The following NIPBL variants were observed in gnomAD, a reference collection of about 807,000 sequenced individuals.
NIPBL encodes the protein nipped-B-like protein.
In NIPBL, 19 loss-of-function variants were observed where a neutral mutation model predicts 321.8. The observed-to-expected ratio is 0.06, with a 90% CI of 0.04 to 0.09. The LOEUF (loss-of-function observed/expected upper bound fraction) is 0.09, where lower values mean the gene tolerates loss of function less well. NIPBL is among the 10% of genes least tolerant of loss of function. The pLI, the probability that NIPBL is intolerant of heterozygous loss-of-function variation, is 1.00. For missense variants in NIPBL, 2,210 were observed against 3,327.0 expected (o/e 0.66, Z 8.26); for synonymous variants, 1,106 against 1,114.1 (o/e 0.99, Z 0.14).
intron 1 of NIPBL, among the ~76,000 whole-genome samples, chr5:36,918,248 T>G (rs1201780815): frequency 3.3e-5 from 5 of 152,296 alleles, no homozygotes; most frequent in Admixed American, 3.3e-4. Context: ...ACATCCCTTT[T>G]AAGTTGGATT....
chr5:37,039,751 C>T (rs1161571130), intron 34 of NIPBL, among the ~76,000 whole-genome samples: 4 of 152,058 alleles, frequency 2.6e-5, no homozygotes, highest in Non-Finnish European at 4.4e-5. Context: ...ATCCAAATTA[C>T]AAGCTCTAGG....
In NIPBL at chr5:37,014,261, G is replaced by GGAGA. The variant is rs1237591733; in HGVS notation, c.4561-420_4561-417dup. Among the ~76,000 whole-genome samples the GGAGA allele has an allele frequency of 2.0e-5, 3 of 152,012 alleles. No homozygotes were observed. In the East Asian group the frequency reaches 5.8e-4, roughly 29 times the overall value. On this transcript the variant is annotated intron_variant, in intron 21 of 46. Coordinates refer to ENST00000282516, the MANE Select transcript of NIPBL (RefSeq NM_133433.4). ...GAGGGAGAAGGAGAGGGAGAGGGAG[G>GGAGA]GAGAGCTTAATCTTTAAATTTCTGA... is the stretch of plus-strand genomic sequence containing the variant.
rs1744663803 is a variant in NIPBL at position 36,985,483 on chromosome 5, C to A, written c.2303C>A (p.Ser768Tyr). ...CACAGGCATGACAATAGGAGGGATT[C>A]TGGAAAGCCATCTACAGAGAAAAAA... The part of the protein sequence containing the change: ...PKHRHDNRRD[S>Y]GKPSTEKKPE... Residue 768 changes from serine (S) to tyrosine (Y), a missense_variant, in exon 10 of 47, where the codon TCT (serine) becomes TAT (tyrosine). Ser to Tyr is a moderately radical substitution (Grantham distance 144). Coordinates refer to ENST00000282516, the MANE Select transcript of NIPBL (RefSeq NM_133433.4). 1.9e-6 allele frequency: 3 copies of A among 1,613,536 alleles called. No homozygotes were observed. The highest frequency in any genetic ancestry group is 2.5e-6 in the Non-Finnish European group (3 of 1,179,934).
intron 32 of NIPBL, among the ~76,000 whole-genome samples, chr5:37,030,348 A>G (rs1349437137): frequency 6.6e-6 from 1 of 152,182 alleles, no homozygotes; most frequent in African/African-American, 2.4e-5. Context: ...TTATACTAGC[A>G]GAGTTTGGTT....
Position 36,995,796 on chromosome 5 carries a change from C to G in NIPBL, c.3296C>G (p.Ala1099Gly), listed in dbSNP as rs762670218. Residue 1099 changes from alanine (A) to glycine (G), a missense_variant, in exon 11 of 47, where the codon GCT becomes GGT. Ala to Gly is a moderately conservative substitution (Grantham distance 60, BLOSUM62 0). This residue lies in a region of NIPBL where 381 missense variants were observed against 642.3 expected (regional missense o/e 0.59). Transcript: ENST00000282516. ...GATGAAGATAATGATAGTGATGAAG[C>G]TTTTGAATGTAAGTATCACAGAACT... ...SSDEDNDSDEAFESSRKRHKK... is the reference protein window; with the variant it reads ...SSDEDNDSDEGFESSRKRHKK... The G allele has an allele frequency of 3.7e-6, 6 of 1,612,042 alleles. No individual in the cohort carries two copies. In the African/African-American group the frequency reaches 8.0e-5, roughly 22 times the overall value.
intron 40 of NIPBL, chr5:37,051,444 TA>T (rs1753535366): frequency 4.0e-6 from 1 of 251,528 alleles, no homozygotes; most frequent in Non-Finnish European, 7.5e-6. Context: ...AGTCAAGCTT[TA>T]AAAACTACTG....
At chr5:37,024,506 G>GGATAACTGT in intron 29 of NIPBL, 79 bp from the exon 30 acceptor site, 1 of 1,211,384 alleles carries the variant, frequency 8.3e-7, no homozygotes, top group Admixed American at 1.9e-5. Context: ...AATATACTGC[G>GGATAACTGT]TATGGATACT....
At chr5:37,062,424 TG>T (rs1466352486) in intron 45 of NIPBL, among the ~76,000 whole-genome samples, 1 of 151,858 alleles carries the variant, frequency 6.6e-6, no homozygotes, top group African/African-American at 2.4e-5. Flanking sequence ...AGTATGCAAA[TG>T]TATGTATATA....
intron 10 of NIPBL, 92 bp from the exon 11 acceptor site, chr5:36,995,528 CAA>C (rs1232689343): frequency 6.2e-6 from 5 of 805,886 alleles, no homozygotes; most frequent in Non-Finnish European, 1.0e-5. Flanking sequence ...ATTTAGAAAA[CAA>C]ATACTAATAT....
Position 36,986,427 on chromosome 5 carries a change from A to G in NIPBL, c.3121+126A>G, listed in dbSNP as rs570699906. The G allele has an allele frequency of 8.4e-5, 55 of 654,022 alleles. No individual in the cohort carries two copies. In the African/African-American group the frequency reaches 1.0e-3, roughly 12 times the overall value. The allele number at this position is 654,022 out of a possible 1,614,324, so 40.5% of individuals were successfully genotyped here. ...ACATGAAAATATAACATTTATGTCA[A>G]ACAACAGGAAATTTTTTTCAGGAGT... On this transcript the variant is annotated intron_variant, in intron 10 of 46. Transcript: ENST00000282516.
chr5:37,055,212 A>G (rs888591563), intron 42 of NIPBL, among the ~76,000 whole-genome samples: 5 of 152,066 alleles, frequency 3.3e-5, no homozygotes, highest in African/African-American at 1.2e-4. Context: ...TTAGCCAGGC[A>G]TGATGGCGCG....
chr5:36,992,272 T>C (rs747850228), intron 10 of NIPBL, among the ~76,000 whole-genome samples: 5 of 152,160 alleles, frequency 3.3e-5, no homozygotes, highest in Non-Finnish European at 7.4e-5. Context: ...TGAGAGATAA[T>C]CATAAAGCAC....
At chr5:36,912,951 A>G (rs1243936864) in intron 1 of NIPBL, among the ~76,000 whole-genome samples, 1 of 152,192 alleles carries the variant, frequency 6.6e-6, no homozygotes, top group African/African-American at 2.4e-5. Flanking sequence ...AATCAAAGCA[A>G]TCCTAGTTGA....
chr5:37,051,746 A>G (rs367794734), intron 40 of NIPBL, 33 bp from the exon 41 acceptor site: 7 of 1,459,410 alleles, frequency 4.8e-6, no homozygotes, highest in Admixed American at 1.7e-5. Flanking sequence ...TTTTACTACC[A>G]TGATATCTCG....
intron 20 of NIPBL, 73 bp from the exon 21 acceptor site, chr5:37,010,014 A>G (rs1269704215): frequency 8.4e-7 from 1 of 1,185,402 alleles, no homozygotes; most frequent in Non-Finnish European, 1.3e-6. Context: ...GTATCGTGAA[A>G]CTTTCAGACA....
At chr5:37,042,804 T>C (rs545387690) in intron 34 of NIPBL, among the ~76,000 whole-genome samples, 103 of 145,746 alleles carry the variant, frequency 7.1e-4, no homozygotes, top group African/African-American at 2.4e-3. Flanking sequence ...CCAGCCTGGA[T>C]GACAGAGCGA....
In NIPBL at chr5:37,020,822, G is replaced by A; in HGVS notation, c.5273G>A (p.Arg1758Gln). The A allele has an allele frequency of 1.9e-6, 3 of 1,614,098 alleles. No homozygotes were observed. The highest frequency in any genetic ancestry group is 2.5e-6 in the Non-Finnish European group (3 of 1,180,002). The change falls in exon 27 of 47, where the codon CGA becomes CAA. Residue 1758 changes from arginine to glutamine, a missense_variant. Transcript: ENST00000282516. ...TATGATGATGCTTGCTTGATTGTTC[G>A]ATACTTGGCCTCCATGAGGCCGTTT... ...VDYDDACLIV[R>Q]YLASMRPFAQ...
rs185745349 is a variant in NIPBL at position 37,058,898 on chromosome 5, T to C, written c.7418T>C (p.Val2473Ala). The change falls in exon 44 of 47, where the codon GTA (valine) becomes GCA (alanine). Residue 2473 changes from valine (V) to alanine (A), a missense_variant. Transcript: ENST00000282516. ...NLLQSFKESM[V>A]KDKRKERKSS... is the part of the protein sequence containing the mutation. ...AACGATTTTTTCTTTCAGTCTATGG[T>C]AAAGGACAAAAGGAAAGAGAGAAAA... 24 of 1,613,878 alleles carry C rather than the reference T, an allele frequency of 1.5e-5. No individual in the cohort carries two copies. The Admixed American group carries it at 3.2e-4, about 21-fold the overall frequency.
intron 6 of NIPBL, among the ~76,000 whole-genome samples, chr5:36,968,696 A>C (rs1347526654): frequency 6.6e-6 from 1 of 152,200 alleles, no homozygotes; most frequent in Non-Finnish European, 1.5e-5. Context: ...CCCCATCTGT[A>C]TGGAAAAAAA....
Sources: allele counts gnomAD v4.1 joint callset (sites outside exome capture counted in the v4.1 genomes callset), GRCh38; gene constraint gnomAD v4.1.1; regional missense constraint gnomAD v4.1.1; transcripts MANE v1.5; gene names NCBI Gene and HGNC (gene_info 2026-07-23, HGNC 2026-07-21).